PABPC4L: variants seen among roughly 807,000 people sequenced by gnomAD.
The protein encoded by PABPC4L is polyadenylate-binding protein 4-like.
For synonymous variants in PABPC4L, 169 were observed against 164.1 expected (o/e 1.03, Z -0.23); for missense variants, 452 against 451.4 (o/e 1.00, Z -0.01).
At chr4:134,016,005 C>T in the PABPC4L span, among the ~76,000 whole-genome samples, 2 of 152,270 alleles carry the variant, frequency 1.3e-5, no homozygotes, top group Middle Eastern at 6.8e-3. Flanking sequence ...GGATACCACA[C>T]CTGACCCTCA....
At chr4:134,056,589 T>C in the PABPC4L span, among the ~76,000 whole-genome samples, 1 of 151,970 alleles carries the variant, frequency 6.6e-6, no homozygotes, top group Non-Finnish European at 1.5e-5. Flanking sequence ...AATTTAGGTA[T>C]GAATTAATAC....
At chr4:133,986,069 C>T in the PABPC4L span, among the ~76,000 whole-genome samples, 1,437 of 151,990 alleles carry the variant, frequency 9.5e-3, 22 homozygotes, top group African/African-American at 0.033. Flanking sequence ...ATTTATTAGT[C>T]ACAGCTTAAA....
chr4:133,952,322 C>G, the PABPC4L span, among the ~76,000 whole-genome samples: 32 of 152,136 alleles, frequency 2.1e-4, no homozygotes, highest in African/African-American at 7.5e-4. Flanking sequence ...GTCTAGGGGA[C>G]GCCCAGAATG....
At chr4:134,123,074 C>T in the PABPC4L span, among the ~76,000 whole-genome samples, 2 of 151,882 alleles carry the variant, frequency 1.3e-5, no homozygotes, top group Admixed American at 1.3e-4. Flanking sequence ...GGGTTAGGTA[C>T]CTGTGAGCCT....
At chr4:134,055,029 G>T in the PABPC4L span, among the ~76,000 whole-genome samples, 1 of 151,930 alleles carries the variant, frequency 6.6e-6, no homozygotes, top group Admixed American at 6.6e-5. Flanking sequence ...TACATGCTAG[G>T]GTTTGGTGTT....
At chr4:134,149,315 A>G in the PABPC4L span, among the ~76,000 whole-genome samples, 1 of 152,178 alleles carries the variant, frequency 6.6e-6, no homozygotes, top group African/African-American at 2.4e-5. Flanking sequence ...ACTCCACTGT[A>G]AAAAAGATGG....
the PABPC4L span, among the ~76,000 whole-genome samples, chr4:133,972,427 A>G: frequency 1.5e-3 from 228 of 152,092 alleles, no homozygotes; most frequent in African/African-American, 5.2e-3. Context: ...CTGTTTTCAC[A>G]CTCCAAGACT....
the PABPC4L span, among the ~76,000 whole-genome samples, chr4:134,148,873 G>T: frequency 1.3e-5 from 2 of 151,724 alleles, no homozygotes; most frequent in African/African-American, 4.8e-5. Flanking sequence ...TTTTTTGGTA[G>T]TATCTTCAAT....
the PABPC4L span, among the ~76,000 whole-genome samples, chr4:134,057,683 G>A: frequency 7.9e-5 from 12 of 152,144 alleles, no homozygotes; most frequent in African/African-American, 2.9e-4. Flanking sequence ...TTGGTGGTGC[G>A]TATCTATTCA....
the PABPC4L span, among the ~76,000 whole-genome samples, chr4:134,104,073 G>T: frequency 1.3e-5 from 2 of 151,544 alleles, no homozygotes; most frequent in African/African-American, 4.8e-5. Context: ...TACACTAAAA[G>T]TTTTTGCTAA....
the PABPC4L span, among the ~76,000 whole-genome samples, chr4:134,027,891 T>A: frequency 1.3e-5 from 2 of 152,128 alleles, no homozygotes; most frequent in African/African-American, 4.8e-5. Context: ...CTGAGACACC[T>A]AAAGTGAGAA....
At chr4:134,127,953 A>T in the PABPC4L span, among the ~76,000 whole-genome samples, 1 of 152,148 alleles carries the variant, frequency 6.6e-6, no homozygotes, top group Non-Finnish European at 1.5e-5. Flanking sequence ...AATAAATAGC[A>T]TGAATAAAAA....
chr4:134,184,568 T>C, the PABPC4L span, among the ~76,000 whole-genome samples: 1 of 152,038 alleles, frequency 6.6e-6, no homozygotes, highest in South Asian at 2.1e-4. Context: ...TTTTCATGGC[T>C]TGACAGCTCA....
At chr4:134,141,840 C>A in the PABPC4L span, among the ~76,000 whole-genome samples, 5 of 151,714 alleles carry the variant, frequency 3.3e-5, no homozygotes, top group East Asian at 9.7e-4. Flanking sequence ...CATTCTGAAA[C>A]ATTGAGCACT....
the PABPC4L span, among the ~76,000 whole-genome samples, chr4:134,019,468 C>T: frequency 6.6e-6 from 1 of 152,020 alleles, no homozygotes; most frequent in African/African-American, 2.4e-5. Flanking sequence ...AAGTTGGCTG[C>T]AATGAAATAC....
chr4:134,149,089 C>G, the PABPC4L span, among the ~76,000 whole-genome samples: 5 of 152,052 alleles, frequency 3.3e-5, no homozygotes, highest in African/African-American at 1.2e-4. Context: ...TGTTGCACTA[C>G]CTTTCCTATA....
the PABPC4L span, among the ~76,000 whole-genome samples, chr4:134,040,543 G>A: frequency 1.6e-4 from 25 of 152,066 alleles, no homozygotes. Flanking sequence ...GCTGAAACTG[G>A]ATCCCTTCCT....
chr4:133,974,847 T>C, the PABPC4L span, among the ~76,000 whole-genome samples: 1 of 152,128 alleles, frequency 6.6e-6, no homozygotes, highest in South Asian at 2.1e-4. Context: ...TGGAAAATTA[T>C]AAGTATTAGC....
At chr4:134,150,933 C>T in the PABPC4L span, among the ~76,000 whole-genome samples, 48 of 152,024 alleles carry the variant, frequency 3.2e-4, no homozygotes, top group African/African-American at 9.9e-4. Context: ...TATTAATAAA[C>T]GAAACATGAT....
Sources: allele counts gnomAD v4.1 joint callset (sites outside exome capture counted in the v4.1 genomes callset), GRCh38; gene constraint gnomAD v4.1.1; transcripts MANE v1.5; gene names NCBI Gene and HGNC (gene_info 2026-07-23, HGNC 2026-07-21).